PPARG: variants seen among roughly 807,000 people sequenced by gnomAD.
PPARG encodes the protein peroxisome proliferator activated receptor gamma.
A neutral mutation model predicts 39.2 loss-of-function variants in PPARG; 17 were observed. The observed-to-expected ratio is 0.43, with a 90% CI of 0.30 to 0.65. The LOEUF (loss-of-function observed/expected upper bound fraction) is 0.65. PPARG is among the 30% of genes least tolerant of loss of function. The pLI is 0.13. For missense variants in PPARG, 406 were observed against 585.9 expected, an observed-to-expected ratio of 0.69 and a Z score of 3.17; for synonymous variants, 223 against 215.7, an observed-to-expected ratio of 1.03 and a Z score of -0.30.
At position 12,305,534 on chromosome 3, in the gene PPARG, G is replaced by A. The variant is rs543660442; in HGVS notation, c.-82-6846G>A. 9.2e-5 allele frequency among the ~76,000 whole-genome samples: 14 copies of A among 152,258 alleles called. 1 individual carries two copies. Among genetic ancestry groups the A allele is most frequent in the Admixed American group, 2.0e-4 (3 of 15,298 alleles). On this transcript the variant is annotated intron_variant, in intron 1 of 7. Coordinates refer to ENST00000651735, the MANE Select transcript of PPARG (RefSeq NM_138711.6). ...TTCTGTCCTCTTTTTTCCAAATGCA[G>A]ATATAGCAGATGTCTTCAGCATCTA...
intron 2 of PPARG, among the ~76,000 whole-genome samples, chr3:12,373,799 A>C (rs1182088818): frequency 1.3e-5 from 2 of 152,198 alleles, no homozygotes; most frequent in Non-Finnish European, 2.9e-5. Flanking sequence ...AGGAGGTACA[A>C]AGTGCTGTGG....
intron 1 of PPARG, among the ~76,000 whole-genome samples, chr3:12,305,273 A>G (rs185386394): frequency 6.6e-6 from 1 of 152,322 alleles, no homozygotes; most frequent in East Asian, 1.9e-4. Flanking sequence ...TACTAAACAC[A>G]TGATCAAATA....
chr3:12,374,017 C>T (rs986321475), intron 2 of PPARG, among the ~76,000 whole-genome samples: 1 of 152,118 alleles, frequency 6.6e-6, no homozygotes, highest in South Asian at 2.1e-4. Flanking sequence ...TATGCCCAGC[C>T]ACCAGATATG....
intron 2 of PPARG, among the ~76,000 whole-genome samples, chr3:12,323,578 C>A (rs1199141731): frequency 6.6e-6 from 1 of 152,164 alleles, no homozygotes; most frequent in Non-Finnish European, 1.5e-5. Context: ...TATGAATTAT[C>A]ATTGTCCCTA....
chr3:12,413,045 G>T (rs770889207), intron 6 of PPARG, among the ~76,000 whole-genome samples: 15 of 152,132 alleles, frequency 9.9e-5, no homozygotes, highest in Non-Finnish European at 1.8e-4. Flanking sequence ...ACTTTGCTTT[G>T]TAAAAAATAC....
chr3:12,425,161 G>A (rs1400550694), intron 7 of PPARG, among the ~76,000 whole-genome samples: 1 of 152,222 alleles, frequency 6.6e-6, no homozygotes, highest in East Asian at 1.9e-4. Context: ...CCTGGAGGAA[G>A]GGGAGGGCTT....
intron 2 of PPARG, among the ~76,000 whole-genome samples, chr3:12,319,725 C>T (rs928689628): frequency 6.6e-6 from 1 of 150,496 alleles, no homozygotes; most frequent in Non-Finnish European, 1.5e-5. Context: ...TTGGAAGAAC[C>T]TTAACCATGT....
chr3:12,312,171 T>A (rs927328078), intron 1 of PPARG, among the ~76,000 whole-genome samples: 1 of 152,258 alleles, frequency 6.6e-6, no homozygotes, highest in Non-Finnish European at 1.5e-5. Flanking sequence ...CCCTGCATGA[T>A]TTATGATGAA....
intron 5 of PPARG, among the ~76,000 whole-genome samples, chr3:12,400,321 G>A (rs937574995): frequency 5.3e-5 from 8 of 152,122 alleles, no homozygotes; most frequent in East Asian, 1.9e-4. Flanking sequence ...GTTTCTTAGC[G>A]TTATACCCAG....
chr3:12,405,575 G>C (rs2050629790), intron 5 of PPARG, among the ~76,000 whole-genome samples: 2 of 152,182 alleles, frequency 1.3e-5, no homozygotes, highest in African/African-American at 4.8e-5. Flanking sequence ...GTAGGAGTTG[G>C]TTCTCAATTA....
intron 2 of PPARG, among the ~76,000 whole-genome samples, chr3:12,347,543 T>G (rs1029867781): frequency 2.0e-5 from 3 of 152,148 alleles, no homozygotes; most frequent in African/African-American, 7.2e-5. Flanking sequence ...CCTGAACTGA[T>G]GCAACCACCA....
At position 12,310,714 on chromosome 3, in the gene PPARG, C is replaced by T. The variant is rs1195282999; in HGVS notation, c.-82-1666C>T. On this transcript the variant is annotated intron_variant, in intron 1 of 7. Transcript: ENST00000651735. ...TCCAGACCTCGTGATCCGCCCGCCT[C>T]GGCCTCCCAAAGTGCTGGGATTACA... Among the ~76,000 whole-genome samples, 7 of 82,990 alleles carry T rather than the reference C, an allele frequency of 8.4e-5. 1 individual carries two copies. Among genetic ancestry groups the T allele is most frequent in the African/African-American group, 1.2e-4 (3 of 24,222 alleles). 54.4% of individuals were successfully genotyped at this position (82,990 alleles called of 152,430 possible).
At chr3:12,371,936 G>C (rs1315093148) in intron 2 of PPARG, 1 of 714,282 alleles carries the variant, frequency 1.4e-6, no homozygotes, top group Non-Finnish European at 2.6e-6. Context: ...ACACTGCAGA[G>C]TGATCTTGAT....
At chr3:12,294,154 G>A (rs951796062) in intron 1 of PPARG, among the ~76,000 whole-genome samples, 1 of 152,124 alleles carries the variant, frequency 6.6e-6, no homozygotes, top group African/African-American at 2.4e-5. Context: ...GTTAATGCAT[G>A]TCCCAGTTTC....
rs192881164 is a variant in PPARG, at chr3:12,420,519, C to T, written c.1180+3365C>T. On this transcript the variant is annotated intron_variant, in intron 7 of 7. Coordinates refer to ENST00000651735, the MANE Select transcript of PPARG (RefSeq NM_138711.6). The stretch of plus-strand genomic sequence containing the variant: ...CTTTTGTTGGGGATCCAGTTGGCCT[C>T]ATTCTGAGCTGGCTGTGGATTCACA... Among the ~76,000 whole-genome samples the T allele has an allele frequency of 2.8e-3, 433 of 152,292 alleles. 7 individuals carry two copies. The highest frequency in any genetic ancestry group is 1.6e-3 in the Non-Finnish European group (106 of 68,036).
At chr3:12,370,386 C>A (rs963915112) in intron 2 of PPARG, among the ~76,000 whole-genome samples, 18 of 151,856 alleles carry the variant, frequency 1.2e-4, no homozygotes. Flanking sequence ...TTTAAGAAAT[C>A]CTTTCTCTCT....
intron 1 of PPARG, among the ~76,000 whole-genome samples, chr3:12,302,560 A>C (rs145807511): frequency 2.4e-4 from 36 of 152,372 alleles, no homozygotes; most frequent in Non-Finnish European, 4.0e-4. Flanking sequence ...AGGTAACCAA[A>C]AGAGAAAATA....
intron 2 of PPARG, among the ~76,000 whole-genome samples, chr3:12,318,813 A>G (rs564474195): frequency 2.2e-4 from 33 of 152,142 alleles, no homozygotes; most frequent in Admixed American, 1.9e-3. Context: ...AGCTAGTTCC[A>G]TGGGGCAAAA....
At chr3:12,332,479 G>A (rs2047889436) in intron 2 of PPARG, among the ~76,000 whole-genome samples, 1 of 152,086 alleles carries the variant, frequency 6.6e-6, no homozygotes, top group South Asian at 2.1e-4. Context: ...TTGCCCATTT[G>A]TTCTAAAGGT....
Sources: allele counts gnomAD v4.1 joint callset (sites outside exome capture counted in the v4.1 genomes callset), GRCh38; gene constraint gnomAD v4.1.1; transcripts MANE v1.5; gene names NCBI Gene and HGNC (gene_info 2026-07-23, HGNC 2026-07-21).